PTGDR2: variants seen among roughly 807,000 people sequenced by gnomAD.
The protein encoded by PTGDR2 is prostaglandin D2 receptor 2.
For missense variants in PTGDR2, 544 were observed against 576.6 expected, an observed-to-expected ratio of 0.94 and a Z score of 0.58; for synonymous variants, 276 against 278.4, an observed-to-expected ratio of 0.99 and a Z score of 0.09.
chr11:60,852,913 C>T lies in PTGDR2; in HGVS notation c.810G>A (p.Ala270=), dbSNP rs1298000971. 19 of 1,512,438 alleles carry T rather than the reference C, an allele frequency of 1.3e-5. No individual in the cohort carries two copies. Among genetic ancestry groups the T allele is most frequent in the African/African-American group, 2.9e-5 (2 of 69,438 alleles). The allele number at this position is 1,512,438 out of a possible 1,614,324, so 93.7% of individuals were successfully genotyped here. The change falls in exon 2 of 2, where the codon GCG becomes GCA. Residue 270 remains alanine, a synonymous_variant. Transcript: ENST00000332539. ...GPYHVFSLLE[A]RAHANPGLRP... ...GCAGCCCCGGGTTTGCGTGCGCCCG[C>T]GCCTCCAGCAGGCTGAACACGTGGT...
rs1051833498 is a variant in PTGDR2, at chr11:60,853,678, C to T, written c.45G>A (p.Glu15=). ...TGTGGCTCTGGAGACGGCTCATCTG[C>T]TCCAGGATGGGGCAGAGTGGCTTCA... ...ATLKPLCPIL[E]QMSRLQSHSN... is the part of the protein sequence containing the mutation. The change falls in exon 2 of 2, where the codon GAG becomes GAA. Residue 15 remains glutamate (E), a synonymous_variant. Transcript: ENST00000332539. 6 of 1,557,370 alleles carry T rather than the reference C, an allele frequency of 3.9e-6. No individual in the cohort carries two copies. The highest frequency in any genetic ancestry group is 5.2e-6 in the Non-Finnish European group (6 of 1,151,062).
rs41459145 is a variant in PTGDR2 at position 60,852,799 on chromosome 11, G to T, written c.924C>A (p.Cys308Ter). 4.0e-5 allele frequency: 63 copies of T among 1,556,448 alleles called. No homozygotes were observed. Among genetic ancestry groups the T allele is most frequent in the Middle Eastern group, 1.7e-4 (1 of 5,810 alleles). The change falls in exon 2 of 2, where the codon TGC (cysteine) becomes TGA (stop). Residue 308 changes from cysteine (C) to a stop codon, truncating the protein, a stop_gained. Transcript: ENST00000332539. LOFTEE classifies it low-confidence loss of function (END_TRUNC). Reference sequence around the variant, plus strand: ...GCCGCAGCTTGCGCAGCATGTCGGGGCAGGTGAGCACGTAGAGCACCGGGT... The same window carrying T: ...GCCGCAGCTTGCGCAGCATGTCGGGTCAGGTGAGCACGTAGAGCACCGGGT... ...VANPVLYVLT[C>*]PDMLRKLRRS...
In PTGDR2 at chr11:60,853,008, G is replaced by GGCGGCCGCGGTGCTGCAACCGCAGGCTC; in HGVS notation, c.687_714dup (p.Arg239GlufsTer197). On this transcript the variant is annotated frameshift_variant, in exon 2 of 2. Transcript: ENST00000332539. LOFTEE classifies it low-confidence loss of function (END_TRUNC). ...AGGCGCACGAAGCGGCCTGGCCGCCGGCGGCCGCGGTGCTGCAACCGCAGG... is the reference window on the plus strand; with the variant it reads ...AGGCGCACGAAGCGGCCTGGCCGCCGGCGGCCGCGGTGCTGCAACCGCAGGCTCGCGGCCGCGGTGCTGCAACCGCAGG... 1 of 1,447,294 alleles carries GGCGGCCGCGGTGCTGCAACCGCAGGCTC rather than the reference G, an allele frequency of 6.9e-7. No individual in the cohort carries two copies. The highest frequency in any genetic ancestry group is 9.1e-7 in the Non-Finnish European group (1 of 1,104,396). The allele number at this position is 1,447,294 out of a possible 1,614,324, so 89.7% of individuals were successfully genotyped here.
At position 60,852,862 on chromosome 11, in the gene PTGDR2, G is replaced by A; in HGVS notation, c.861C>T (p.Pro287=). Residue 287 remains proline (P), a synonymous_variant, in exon 2 of 2, where the codon CCC becomes CCT. Transcript: ENST00000332539. The part of the protein sequence containing the change: ...GLRPLVWRGL[P]FVTSLAFFNS... ...TGAAGAAGGCCAGGCTGGTGACGAA[G>A]GGCAGCCCGCGCCACACGAGCGGCC... 1 of 1,548,978 alleles carries A rather than the reference G, an allele frequency of 6.5e-7. No individual in the cohort carries two copies. The highest frequency in any genetic ancestry group is 8.7e-7 in the Non-Finnish European group (1 of 1,147,300).
intron 1 of PTGDR2, among the ~76,000 whole-genome samples, chr11:60,854,188 G>A (rs634681): frequency 0.23 from 34,546 of 152,084 alleles, 5,168 homozygotes; most frequent in East Asian, 0.73. Context: ...AGGGCAAGAG[G>A]ATTCTGCTGG....
chr11:60,853,843 T>G, intron 1 of PTGDR2, 112 bp from the exon 2 acceptor site: 1 of 805,508 alleles, frequency 1.2e-6, no homozygotes, highest in Non-Finnish European at 1.9e-6. Flanking sequence ...GACCCACGAA[T>G]ATATTGGGCG....
Position 60,852,516 on chromosome 11 carries a change from G to C in PTGDR2, c.*19C>G. 3.2e-6 allele frequency: 4 copies of C among 1,255,940 alleles called. No homozygotes were observed. The highest frequency in any genetic ancestry group is 4.0e-6 in the Non-Finnish European group (4 of 1,002,064). 77.8% of individuals were successfully genotyped at this position (1,255,940 alleles called of 1,614,324 possible). A position where few individuals can be genotyped will look rare whatever the true frequency, so the allele number is the denominator to read the frequency against. ...GGTGATACTTTCGCGTGTGAGTGCC[G>C]CCCTACGTGGGCCGGGTTCTAACTC... On this transcript the variant is annotated 3_prime_UTR_variant, in exon 2 of 2. Transcript: ENST00000332539.
rs1335893919 is a variant in PTGDR2 at position 60,852,735 on chromosome 11, C to A, written c.988G>T (p.Asp330Tyr). The A allele has an allele frequency of 4.0e-6, 6 of 1,486,462 alleles. No individual in the cohort carries two copies. Among genetic ancestry groups the A allele is most frequent in the Non-Finnish European group, 4.5e-6 (5 of 1,110,782 alleles). The allele number at this position is 1,486,462 out of a possible 1,614,324, so 92.1% of individuals were successfully genotyped here. Residue 330 changes from aspartate (D) to tyrosine (Y), a missense_variant, in exon 2 of 2, where the codon GAC (aspartate) becomes TAC (tyrosine). Asp to Tyr is a radical substitution (Grantham distance 160). Transcript: ENST00000332539. ...RTVLESVLVD[D>Y]SELGGAGSSR... Reference sequence around the variant, plus strand: ...CTTCCCGCGCCACCCAGCTCGCTGTCGTCCACCAGCACGCTCTCCAGCACC... The same window carrying A: ...CTTCCCGCGCCACCCAGCTCGCTGTAGTCCACCAGCACGCTCTCCAGCACC...
Position 60,853,447 on chromosome 11 carries a change from G to T in PTGDR2, c.276C>A (p.Ala92=). 1 of 1,570,610 alleles carries T rather than the reference G, an allele frequency of 6.4e-7. No homozygotes were observed. Among genetic ancestry groups the T allele is most frequent in the East Asian group, 2.4e-5 (1 of 42,520 alleles). The change falls in exon 2 of 2, where the codon GCC becomes GCA. Residue 92 remains alanine, a synonymous_variant. Coordinates refer to ENST00000332539, the MANE Select transcript of PTGDR2 (RefSeq NM_004778.3). ...TGCCCAGCTCCCACGAGTGGCCCAC[G>T]GCCAAGAAGTAGGTGAAGAAGGGCA... The part of the protein sequence containing the change: ...ASLPFFTYFL[A]VGHSWELGTT...
In PTGDR2 at chr11:60,852,692, G is replaced by T; in HGVS notation, c.1031C>A (p.Thr344Asn). Residue 344 changes from threonine to asparagine, a missense_variant, in exon 2 of 2, where the codon ACC (threonine) becomes AAC (asparagine). By Grantham distance (65) the Thr-to-Asn change is moderately conservative. Transcript: ENST00000332539. ...GGAGGCCGAGCGGGCGGTGGAGGAG[G>T]TGCGGCGGCGGCGGCTGCTTCCCGC... The part of the protein sequence containing the change: ...GGAGSSRRRR[T>N]SSTARSASPL... The T allele has an allele frequency of 7.0e-7, 1 of 1,432,636 alleles. No homozygotes were observed. Among genetic ancestry groups the T allele is most frequent in the Middle Eastern group, 2.2e-4 (1 of 4,504 alleles). The allele number at this position is 1,432,636 out of a possible 1,614,324, so 88.7% of individuals were successfully genotyped here.
rs991379420 is a variant in PTGDR2 at position 60,853,465 on chromosome 11, G to T, written c.258C>A (p.Phe86Leu). Residue 86 changes from phenylalanine to leucine, a missense_variant, in exon 2 of 2, where the codon TTC becomes TTA. Physicochemically the swap from Phe to Leu is conservative, Grantham distance 22 (BLOSUM62 0). Transcript: ENST00000332539. Reference sequence around the variant, plus strand: ...GGCCCACGGCCAAGAAGTAGGTGAAGAAGGGCAGGGAAGCAGAGGCCAACA... The same window carrying T: ...GGCCCACGGCCAAGAAGTAGGTGAATAAGGGCAGGGAAGCAGAGGCCAACA... ...SDLLASASLPFFTYFLAVGHS... is the reference protein window; with the variant it reads ...SDLLASASLPLFTYFLAVGHS... 6.4e-7 allele frequency: 1 copy of T among 1,566,514 alleles called. No individual in the cohort carries two copies. The highest frequency in any genetic ancestry group is 1.2e-5 in the South Asian group (1 of 85,262).
chr11:60,855,385 C>T (rs1180843599), intron 1 of PTGDR2, among the ~76,000 whole-genome samples: 2 of 151,932 alleles, frequency 1.3e-5, no homozygotes, highest in Non-Finnish European at 2.9e-5. Context: ...TCCTGCCACA[C>T]CCTTGGGCAC....
chr11:60,853,506 G>C lies in PTGDR2; in HGVS notation c.217C>G (p.Leu73Val). Residue 73 changes from leucine (L) to valine (V), a missense_variant, in exon 2 of 2, where the codon CTG becomes GTG. Leu to Val is a conservative substitution (Grantham distance 32). Coordinates refer to ENST00000332539, the MANE Select transcript of PTGDR2 (RefSeq NM_004778.3). ...GAGGCCAACAGGTCGGACAGCGCCAGGTGCAGCACCCAGGTGGTGACCACG... is the reference window on the plus strand; with the variant it reads ...GAGGCCAACAGGTCGGACAGCGCCACGTGCAGCACCCAGGTGGTGACCACG... ...QTVVTTWVLHLALSDLLASAS... is the reference protein window; with the variant it reads ...QTVVTTWVLHVALSDLLASAS... The C allele has an allele frequency of 1.3e-6, 2 of 1,560,400 alleles. No individual in the cohort carries two copies. Among genetic ancestry groups the C allele is most frequent in the Non-Finnish European group, 1.7e-6 (2 of 1,151,776 alleles).
chr11:60,853,810 C>A (rs11230507), intron 1 of PTGDR2, 79 bp from the exon 2 acceptor site: 23,786 of 1,196,142 alleles, frequency 0.02, 763 homozygotes, highest in African/African-American at 0.14. Context: ...CGGAGTGGGA[C>A]CCTGCCCAGG....
chr11:60,852,188 T>G lies in PTGDR2; in HGVS notation c.*347A>C. The G allele has an allele frequency of 3.7e-6, 1 of 268,026 alleles. No individual in the cohort carries two copies. The highest frequency in any genetic ancestry group is 7.0e-6 in the Non-Finnish European group (1 of 142,990). 16.6% of individuals were successfully genotyped at this position (268,026 alleles called of 1,614,324 possible). On this transcript the variant is annotated 3_prime_UTR_variant, in exon 2 of 2. Coordinates refer to ENST00000332539, the MANE Select transcript of PTGDR2 (RefSeq NM_004778.3). ...CCTAGAGTGGGAAGTCTATTATGAG[T>G]TTCACTTTGTGTTACTCCAGGCCTC...
Position 60,851,233 on chromosome 11 carries a change from C to A in PTGDR2, c.*1302G>T, listed in dbSNP as rs1855261538. 6.6e-6 allele frequency: 1 copy of A among 152,266 alleles called. No individual in the cohort carries two copies. Among genetic ancestry groups the A allele is most frequent in the Admixed American group, 6.5e-5 (1 of 15,280 alleles). 9.4% of individuals were successfully genotyped at this position (152,266 alleles called of 1,614,324 possible). ...CTGCTGTGGGCCAGGCCTTCAGTGA[C>A]CCTGGCCTTTGGTGGCAGAAAAAAC... On this transcript the variant is annotated 3_prime_UTR_variant, in exon 2 of 2. Coordinates refer to ENST00000332539, the MANE Select transcript of PTGDR2 (RefSeq NM_004778.3).
rs540515676 is a variant in PTGDR2, at chr11:60,851,608, T to G, written c.*927A>C. 4 of 152,354 alleles carry G rather than the reference T, an allele frequency of 2.6e-5. No homozygotes were observed. Among genetic ancestry groups the G allele is most frequent in the African/African-American group, 7.2e-5 (3 of 41,570 alleles). The allele number at this position is 152,354 out of a possible 1,614,324, so 9.4% of individuals were successfully genotyped here. ...GTCCGCTTAGCTAAGAAATGACGTGTGCTGTAGTCTTAGAGTTGCTGTGCC... is the reference window on the plus strand; with the variant it reads ...GTCCGCTTAGCTAAGAAATGACGTGGGCTGTAGTCTTAGAGTTGCTGTGCC... On this transcript the variant is annotated 3_prime_UTR_variant, in exon 2 of 2. Coordinates refer to ENST00000332539, the MANE Select transcript of PTGDR2 (RefSeq NM_004778.3).
At position 60,851,009 on chromosome 11, in the gene PTGDR2, A is replaced by G. The variant is rs1855257797; in HGVS notation, c.*1526T>C. 1 of 152,266 alleles carries G rather than the reference A, an allele frequency of 6.6e-6. No homozygotes were observed. The highest frequency in any genetic ancestry group is 2.4e-5 in the African/African-American group (1 of 41,450). 9.4% of individuals were successfully genotyped at this position (152,266 alleles called of 1,614,324 possible). On this transcript the variant is annotated 3_prime_UTR_variant, in exon 2 of 2. Coordinates refer to ENST00000332539, the MANE Select transcript of PTGDR2 (RefSeq NM_004778.3). ...TCCTAGGCACCGGCAAATACAGACA[A>G]TAGACCAAAGTCCCTGCCCTCGAGG... is the stretch of plus-strand genomic sequence containing the variant.
rs142523235 is a variant in PTGDR2 at position 60,853,269 on chromosome 11, A to C, written c.454T>G (p.Cys152Gly). 2.6e-4 allele frequency: 414 copies of C among 1,612,952 alleles called. No individual in the cohort carries two copies. Among genetic ancestry groups the C allele is most frequent in the Middle Eastern group, 1.7e-3 (10 of 6,060 alleles). Residue 152 changes from cysteine (C) to glycine (G), a missense_variant, in exon 2 of 2, where the codon TGC (cysteine) becomes GGC (glycine). Cys to Gly is a radical substitution (Grantham distance 159, BLOSUM62 -3). Coordinates refer to ENST00000332539, the MANE Select transcript of PTGDR2 (RefSeq NM_004778.3). ...ACCGCTAGTGCCCAAAGCACCAGGC[A>C]GACTTTGTGCGCCGCGGCCACGGTG... ...HRTVAAAHKV[C>G]LVLWALAVLN...
Sources: gnomAD v4.1 joint callset for allele counts (sites outside exome capture counted in the v4.1 genomes callset) on GRCh38, gnomAD v4.1.1 for gene constraint, MANE v1.5 for transcripts, NCBI Gene and HGNC (gene_info 2026-07-23, HGNC 2026-07-21) for gene names.